Variants in CHRND observed in about 807,000 individuals in gnomAD.
CHRND encodes the protein acetylcholine receptor subunit delta.
In CHRND, 40 loss-of-function variants were observed where a neutral mutation model predicts 57.8. The ratio of observed to expected loss-of-function variants is 0.69; its 90% CI spans 0.54 to 0.90. CHRND has a LOEUF of 0.90. Among genes scored for constraint, CHRND ranks in the 40% least tolerant of loss-of-function variants. The pLI is 0.00. For synonymous variants in CHRND, 237 were observed against 270.6 expected (o/e 0.88, Z 1.22); for missense variants, 634 against 673.9 (o/e 0.94, Z 0.66).
At chr2:232,533,416 G>A (rs888564974) in intron 9 of CHRND, among the ~76,000 whole-genome samples, 1 of 152,198 alleles carries the variant, frequency 6.6e-6, no homozygotes, top group Non-Finnish European at 1.5e-5. Context: ...CATTTTTAGT[G>A]AATGGGTTCT....
At chr2:232,528,176 T>C in intron 3 of CHRND, 86 bp from the exon 4 acceptor site, 6 of 1,261,854 alleles carry the variant, frequency 4.8e-6, no homozygotes, top group Non-Finnish European at 6.9e-6. Context: ...TCTCAGACCC[T>C]GTTCAGTCTT....
chr2:232,531,761 CA>C (rs953417134), intron 9 of CHRND, 105 bp downstream of exon 9: 1 of 905,480 alleles, frequency 1.1e-6, no homozygotes, highest in African/African-American at 1.6e-5. Flanking sequence ...CCAGCCTGGG[CA>C]ACATAGAGAC....
At chr2:232,529,030 G>T in intron 6 of CHRND, 59 bp downstream of exon 6, 1 of 1,234,226 alleles carries the variant, frequency 8.1e-7, no homozygotes, top group Non-Finnish European at 1.2e-6. Context: ...AGACACACTG[G>T]CCCTGTCCAC....
At chr2:232,534,202 C>T (rs1052113265) in intron 10 of CHRND, 22 bp from the exon 11 acceptor site, 2 of 1,613,986 alleles carry the variant, frequency 1.2e-6, no homozygotes, top group African/African-American at 2.7e-5. Flanking sequence ...GCCTCACACC[C>T]ACTCTGGCCC....
In CHRND at chr2:232,527,722, C is replaced by T. The variant is rs527511097; in HGVS notation, c.243+277C>T. ...TTGCGCCACTGCACTCCAGCCTGGGCGACAGAACAAGACTCCATCTCAAAA... is the reference window on the plus strand; with the variant it reads ...TTGCGCCACTGCACTCCAGCCTGGGTGACAGAACAAGACTCCATCTCAAAA... On this transcript the variant is annotated intron_variant, in intron 3 of 11. Transcript: ENST00000258385. Among the ~76,000 whole-genome samples the T allele has an allele frequency of 2.2e-3, 336 of 152,254 alleles. 2 individuals carry two copies. The highest frequency in any genetic ancestry group is 7.8e-3 in the African/African-American group (324 of 41,538).
rs139406262 is a variant in CHRND at position 232,535,893 on chromosome 2, G to A, written c.*581G>A. The A allele has an allele frequency of 4.0e-5, 18 of 454,074 alleles. No individual in the cohort carries two copies. Among genetic ancestry groups the A allele is most frequent in the Admixed American group, 1.6e-4 (7 of 42,572 alleles). The allele number at this position is 454,074 out of a possible 1,614,324, so 28.1% of individuals were successfully genotyped here. A position where few individuals can be genotyped will look rare whatever the true frequency, so the allele number is the denominator to read the frequency against. ...GGACTGGAGTGGAAAGGTCAGGATCGACATCCACAAAGACTTGGGGTCAGC... is the reference window on the plus strand; with the variant it reads ...GGACTGGAGTGGAAAGGTCAGGATCAACATCCACAAAGACTTGGGGTCAGC... On this transcript the variant is annotated 3_prime_UTR_variant, in exon 12 of 12. Transcript: ENST00000258385.
Position 232,533,992 on chromosome 2 carries a change from G to C in CHRND, c.1109G>C (p.Ser370Thr), listed in dbSNP as rs1200058759. ...HMSRPAEDGP[S>T]PGALVRRSSS... ...TCCCGCCCAGCAGAGGATGGACCCA[G>C]CCCTGGGGCCCTGGTGCGGAGGAGC... Residue 370 changes from serine to threonine, a missense_variant, in exon 10 of 12, where the codon AGC (serine) becomes ACC (threonine). Ser to Thr is a moderately conservative substitution (Grantham distance 58). Transcript: ENST00000258385. 6.2e-7 allele frequency: 1 copy of C among 1,613,862 alleles called. No individual in the cohort carries two copies. Among genetic ancestry groups the C allele is most frequent in the East Asian group, 2.2e-5 (1 of 44,884 alleles).
chr2:232,527,598 G>C (rs1235866971), intron 3 of CHRND, among the ~76,000 whole-genome samples, 153 bp downstream of exon 3: 1 of 152,170 alleles, frequency 6.6e-6, no homozygotes, highest in Non-Finnish European at 1.5e-5. Flanking sequence ...CAAAAAATTA[G>C]CTTGGTGTGG....
intron 6 of CHRND, among the ~76,000 whole-genome samples, chr2:232,529,414 A>C (rs1691603384): frequency 6.6e-6 from 1 of 151,814 alleles, no homozygotes; most frequent in African/African-American, 2.4e-5. Flanking sequence ...CGGATCCTCC[A>C]TGGGGCCTAC....
Position 232,528,322 on chromosome 2 carries a change from C to A in CHRND, c.304C>A (p.Arg102Ser), listed in dbSNP as rs775578238. The A allele has an allele frequency of 1.2e-5, 19 of 1,614,114 alleles. No homozygotes were observed. The highest frequency in any genetic ancestry group is 5.0e-5 in the Admixed American group (3 of 60,010). The change falls in exon 4 of 12, where the codon CGC becomes AGC. Residue 102 changes from arginine to serine, a missense_variant. Transcript: ENST00000258385. Reference sequence around the variant, plus strand: ...AGAATTTGGAAACATCAGTGTCCTGCGCCTCCCCCCGGACATGGTGTGGCT... The same window carrying A: ...AGAATTTGGAAACATCAGTGTCCTGAGCCTCCCCCCGGACATGGTGTGGCT... ...AEEFGNISVL[R>S]LPPDMVWLPE...
intron 2 of CHRND, 91 bp from the exon 3 acceptor site, chr2:232,527,310 A>AG (rs1553573948): frequency 2.2e-5 from 20 of 914,256 alleles, no homozygotes; most frequent in South Asian, 9.8e-5. Context: ...TGGAAAAAAA[A>AG]AGAGAGAGAG....
In CHRND at chr2:232,536,650, T is replaced by C. The variant is rs979590200; in HGVS notation, c.*1338T>C. The stretch of plus-strand genomic sequence containing the variant: ...GAAACTGTGTGAGATAATAAATGTG[T>C]GTTGTTTTAAGTGACAACGTTTTGG... On this transcript the variant is annotated 3_prime_UTR_variant, in exon 12 of 12. Transcript: ENST00000258385. 2.8e-6 allele frequency: 1 copy of C among 356,770 alleles called. No homozygotes were observed. The highest frequency in any genetic ancestry group is 3.7e-5 in the Admixed American group (1 of 26,872). The allele number at this position is 356,770 out of a possible 1,614,324, so 22.1% of individuals were successfully genotyped here.
At chr2:232,533,866 A>G in intron 9 of CHRND, 65 bp from the exon 10 acceptor site, 1 of 1,533,656 alleles carries the variant, frequency 6.5e-7, no homozygotes. Context: ...ACAGAATGAG[A>G]CTCCGTCTCA....
chr2:232,529,719 A>G (rs529974003), intron 6 of CHRND, among the ~76,000 whole-genome samples: 1 of 152,244 alleles, frequency 6.6e-6, no homozygotes, highest in African/African-American at 2.4e-5. Flanking sequence ...TTTTTTCCGA[A>G]AAGATAAAAA....
At chr2:232,526,379 G>T in intron 1 of CHRND, 112 bp downstream of exon 1, 1 of 1,512,620 alleles carries the variant, frequency 6.6e-7, no homozygotes. Context: ...TCCCTGTGGG[G>T]GGCCGCCTTC....
At chr2:232,531,970 A>AAAAAAAAAAAAAAAAAAAAG (rs1391577789) in intron 9 of CHRND, among the ~76,000 whole-genome samples, 1 of 135,220 alleles carries the variant, frequency 7.4e-6, no homozygotes, top group African/African-American at 2.6e-5. Context: ...AAAAAAAAAA[A>AAAAAAAAAAAAAAAAAAAAG]AAAAGAAATG....
chr2:232,527,310 A>AGAGAGAGAG, intron 2 of CHRND, 91 bp from the exon 3 acceptor site: 1 of 913,016 alleles, frequency 1.1e-6, no homozygotes, highest in South Asian at 1.4e-5. Flanking sequence ...TGGAAAAAAA[A>AGAGAGAGAG]AGAGAGAGAG....
At chr2:232,529,544 A>T (rs1691607042) in intron 6 of CHRND, among the ~76,000 whole-genome samples, 1 of 152,230 alleles carries the variant, frequency 6.6e-6, no homozygotes, top group Admixed American at 6.5e-5. Flanking sequence ...GGAGTGGCTC[A>T]ATTAATGTCC....
chr2:232,529,031 C>A, intron 6 of CHRND, 60 bp downstream of exon 6: 2 of 1,171,046 alleles, frequency 1.7e-6, no homozygotes, highest in Non-Finnish European at 2.6e-6. Context: ...GACACACTGG[C>A]CCTGTCCACC....
Sources: allele counts gnomAD v4.1 joint callset (sites outside exome capture counted in the v4.1 genomes callset), GRCh38; gene constraint gnomAD v4.1.1; transcripts MANE v1.5; gene names NCBI Gene and HGNC (gene_info 2026-07-23, HGNC 2026-07-21).